Variants in TG observed in about 807,000 individuals in gnomAD.
The protein encoded by TG is thyroid hormones.
TG carries 270 observed loss-of-function variants against 324.7 expected under a neutral mutation model. That is an observed-to-expected ratio of 0.83 (90% CI 0.75 to 0.92). The LOEUF (loss-of-function observed/expected upper bound fraction) is 0.92, where lower values mean the gene tolerates loss of function less well. Ranked by LOEUF, TG falls within the 40% of genes least tolerant of loss-of-function variation. The pLI is 0.00. For missense variants in TG, 3,591 were observed against 3,456.4 expected (o/e 1.04, Z -0.98); for synonymous variants, 1,401 against 1,327.0 (o/e 1.06, Z -1.21).
At position 132,897,719 on chromosome 8, in the gene TG, G is replaced by A. The variant is rs1353683689; in HGVS notation, c.3072G>A (p.Ser1024=). Reference sequence around the variant, plus strand: ...CTGGAGCATCCGCCCTTCTGCGGTCGGGCCCCTACATGCCACAGTGTGATG... The same window carrying A: ...CTGGAGCATCCGCCCTTCTGCGGTCAGGCCCCTACATGCCACAGTGTGATG... ...DSAGASALLR[S]GPYMPQCDAF... The change falls in exon 12 of 48, where the codon TCG becomes TCA. Residue 1024 remains serine, a synonymous_variant. Transcript: ENST00000220616. 6.2e-6 allele frequency: 10 copies of A among 1,614,090 alleles called. No individual in the cohort carries two copies. The highest frequency in any genetic ancestry group is 3.3e-5 in the Admixed American group (2 of 60,008).
chr8:133,002,060 A>G, intron 35 of TG: 3 of 985,432 alleles, frequency 3.0e-6, no homozygotes, highest in Non-Finnish European at 2.4e-6. Flanking sequence ...TTTTTATACA[A>G]TAAATGGGAT....
chr8:132,962,545 G>A (rs1827910039), intron 28 of TG, among the ~76,000 whole-genome samples: 3 of 152,184 alleles, frequency 2.0e-5, no homozygotes, highest in East Asian at 1.9e-4. Context: ...AGGCTCACTC[G>A]CTTTCATGGA....
At chr8:133,114,819 G>T (rs1015961620) in intron 44 of TG, among the ~76,000 whole-genome samples, 2 of 152,220 alleles carry the variant, frequency 1.3e-5, no homozygotes, top group Non-Finnish European at 2.9e-5. Flanking sequence ...GGGCTGGAAG[G>T]TGTTAGAGAC....
chr8:132,958,274 C>G (rs976736149), intron 27 of TG, among the ~76,000 whole-genome samples: 1 of 152,190 alleles, frequency 6.6e-6, no homozygotes, highest in South Asian at 2.1e-4. Context: ...CACTTTACAT[C>G]TGTATTACCT....
chr8:132,911,384 CT>C lies in TG; in HGVS notation c.4014del (p.Phe1338LeufsTer20). ...ARGFCQIQVK[T>X]FGTLVSIPVC... ...GTGTCTGTCTTCTTGTAGGTGAAGA[CT>C]TTTGGCACCCTGGTTTCCATTCCTG... On this transcript the variant is annotated frameshift_variant, in exon 19 of 48. Coordinates refer to ENST00000220616, the MANE Select transcript of TG (RefSeq NM_003235.5). LOFTEE classifies it high-confidence loss of function. The C allele has an allele frequency of 6.2e-7, 1 of 1,614,190 alleles. No individual in the cohort carries two copies. The highest frequency in any genetic ancestry group is 8.5e-7 in the Non-Finnish European group (1 of 1,180,036).
intron 30 of TG, 121 bp from the exon 31 acceptor site, chr8:132,967,673 G>A (rs988372700): frequency 4.5e-6 from 5 of 1,100,534 alleles, no homozygotes; most frequent in Non-Finnish European, 5.4e-6. Context: ...ACAGTCTCAG[G>A]CCTCTGCCCT....
chr8:132,946,340 T>C (rs2130027225), intron 26 of TG, among the ~76,000 whole-genome samples: 1 of 152,322 alleles, frequency 6.6e-6, no homozygotes, highest in Middle Eastern at 3.4e-3. Context: ...CTTGCTTGCT[T>C]TTCCCTCCAA....
chr8:133,109,915 C>G (rs1850126799), intron 43 of TG, among the ~76,000 whole-genome samples: 1 of 152,154 alleles, frequency 6.6e-6, no homozygotes, highest in Admixed American at 6.5e-5. Context: ...GCATTGGTAT[C>G]TTGGCTAGGG....
intron 41 of TG, among the ~76,000 whole-genome samples, chr8:133,043,065 G>A (rs1838617660): frequency 6.6e-6 from 1 of 152,078 alleles, no homozygotes; most frequent in African/African-American, 2.4e-5. Flanking sequence ...GATTCTCAAG[G>A]GGCATAGGAA....
Position 132,886,528 on chromosome 8 carries a change from C to T in TG, c.1156C>T (p.His386Tyr). The change falls in exon 9 of 48, where the codon CAC becomes TAC. Residue 386 changes from histidine to tyrosine, a missense_variant. His to Tyr is a moderately conservative substitution (Grantham distance 83). Transcript: ENST00000220616. ...YFGTSGYFSQHDLFSSPEKRW... is the reference protein window; with the variant it reads ...YFGTSGYFSQYDLFSSPEKRW... The stretch of plus-strand genomic sequence containing the variant: ...TGGGACCTCAGGCTACTTCAGCCAG[C>T]ACGACCTGTTCTCTTCCCCAGAGAA... The T allele has an allele frequency of 6.2e-7, 1 of 1,614,186 alleles. No individual in the cohort carries two copies.
chr8:133,024,690 T>C (rs1485301049), intron 40 of TG, among the ~76,000 whole-genome samples: 2 of 151,944 alleles, frequency 1.3e-5, no homozygotes, highest in Non-Finnish European at 2.9e-5. Context: ...GTTAGTTTGC[T>C]GAGAATGATG....
intron 5 of TG, among the ~76,000 whole-genome samples, chr8:132,878,344 C>T (rs1055659518): frequency 2.5e-4 from 38 of 151,926 alleles, no homozygotes; most frequent in East Asian, 9.7e-4. Context: ...AGGTCCAGCG[C>T]GCTGGCTCAC....
At chr8:132,992,668 G>A (rs1212891390) in intron 35 of TG, among the ~76,000 whole-genome samples, 1 of 152,132 alleles carries the variant, frequency 6.6e-6, no homozygotes, top group East Asian at 1.9e-4. Flanking sequence ...TACCCCAGTG[G>A]CTGTGGGTGC....
intron 35 of TG, among the ~76,000 whole-genome samples, chr8:132,984,635 A>G (rs1831297598): frequency 6.6e-6 from 1 of 152,134 alleles, no homozygotes; most frequent in South Asian, 2.1e-4. Context: ...AAAAGTCCCA[A>G]AAGATTTATG....
intron 30 of TG, 66 bp downstream of exon 30, chr8:132,966,763 T>C (rs773356315): frequency 7.5e-5 from 121 of 1,608,374 alleles, no homozygotes; most frequent in Non-Finnish European, 1.0e-4. Flanking sequence ...AGGCCAAGTC[T>C]GGCAACTCCT....
At position 132,918,185 on chromosome 8, in the gene TG, A is replaced by G. The variant is rs1820641786; in HGVS notation, c.4379-1191A>G. Among the ~76,000 whole-genome samples, 3 of 152,126 alleles carry G rather than the reference A, an allele frequency of 2.0e-5. No individual in the cohort carries two copies. The South Asian group carries it at 6.2e-4, about 31-fold the overall frequency. On this transcript the variant is annotated intron_variant, in intron 20 of 47. Transcript: ENST00000220616. ...GAGGAAACAGCGTGTGCATTCCCTG[A>G]GCACAGACAAGAGTCTGGGACCTGT...
intron 34 of TG, among the ~76,000 whole-genome samples, chr8:132,976,281 G>C (rs1830163250): frequency 6.6e-6 from 1 of 152,184 alleles, no homozygotes; most frequent in Admixed American, 6.5e-5. Context: ...GCCAGCATCT[G>C]TCAAAGGCCT....
In TG at chr8:132,935,837, G is replaced by A; in HGVS notation, c.5014G>A (p.Asp1672Asn). The A allele has an allele frequency of 6.2e-7, 1 of 1,612,630 alleles. No individual in the cohort carries two copies. Among genetic ancestry groups the A allele is most frequent in the East Asian group, 2.2e-5 (1 of 44,858 alleles). Residue 1672 changes from aspartate (D) to asparagine (N), a missense_variant, in exon 25 of 48, where the codon GAT becomes AAT. Transcript: ENST00000220616. ...GGTGAAAGTGAGGAGCCATGGTCAA[G>A]ATTCTCCAGCTGTGTATTTGAAAAA... ...CQVKVRSHGQ[D>N]SPAVYLKKGQ...
At chr8:133,017,558 T>A in intron 37 of TG, 2 of 590,054 alleles carry the variant, frequency 3.4e-6, no homozygotes, top group South Asian at 3.8e-5. Context: ...TGCATTTTGG[T>A]GCCTAATAAA....
Sources: allele counts gnomAD v4.1 joint callset (sites outside exome capture counted in the v4.1 genomes callset), GRCh38; gene constraint gnomAD v4.1.1; transcripts MANE v1.5; gene names NCBI Gene and HGNC (gene_info 2026-07-23, HGNC 2026-07-21).